ELP4: variants seen among roughly 807,000 people sequenced by gnomAD.
The protein encoded by ELP4 is elongator complex protein 4.
In ELP4, 51 loss-of-function variants were observed where a neutral mutation model predicts 48.9. The observed-to-expected ratio is 1.04, with a 90% confidence interval of 0.83 to 1.32. The LOEUF (loss-of-function observed/expected upper bound fraction) is 1.32, where lower values mean the gene tolerates loss of function less well. Among genes scored for constraint, ELP4 ranks in the 40% most tolerant of loss-of-function variants. The pLI, the probability that ELP4 is intolerant of heterozygous loss-of-function variation, is 0.00. For synonymous variants in ELP4, 210 were observed against 189.2 expected, an observed-to-expected ratio of 1.11 and a Z score of -0.90; for missense variants, 519 against 514.6, an observed-to-expected ratio of 1.01 and a Z score of -0.08.
intron 9 of ELP4, among the ~76,000 whole-genome samples, chr11:31,739,599 T>A (rs1947402541): frequency 6.6e-6 from 1 of 152,218 alleles, no homozygotes; most frequent in African/African-American, 2.4e-5. Context: ...GTAATAATGA[T>A]TAATTTACAG....
chr11:31,722,665 T>TTCTC (rs71060499), intron 9 of ELP4, among the ~76,000 whole-genome samples: 252 of 144,280 alleles, frequency 1.7e-3, no homozygotes, highest in Middle Eastern at 3.6e-3. Flanking sequence ...AAGGTGTCTC[T>TTCTC]TCTCTCTCTC....
chr11:31,743,326 T>G (rs1243639255), intron 9 of ELP4, among the ~76,000 whole-genome samples: 2 of 152,040 alleles, frequency 1.3e-5, no homozygotes, highest in African/African-American at 4.8e-5. Context: ...CTATCAACAT[T>G]AGACAGATCA....
intron 2 of ELP4, among the ~76,000 whole-genome samples, chr11:31,521,371 G>A (rs1395714328): frequency 5.3e-5 from 8 of 151,774 alleles, no homozygotes; most frequent in Admixed American, 2.0e-4. Flanking sequence ...GAGGAAATGA[G>A]GCTCACAAGG....
chr11:31,577,643 C>T (rs191948146), intron 3 of ELP4, among the ~76,000 whole-genome samples: 260 of 152,064 alleles, frequency 1.7e-3, no homozygotes, highest in African/African-American at 5.9e-3. Flanking sequence ...GTTCAACATA[C>T]GCGAATCAAT....
At chr11:31,535,847 G>T (rs1956492045) in intron 2 of ELP4, among the ~76,000 whole-genome samples, 1 of 152,092 alleles carries the variant, frequency 6.6e-6, no homozygotes, top group South Asian at 2.1e-4. Flanking sequence ...TTTGCCATAT[G>T]TGCTTTTTTT....
At chr11:31,630,640 T>C (rs1420824106) in intron 6 of ELP4, among the ~76,000 whole-genome samples, 1 of 152,090 alleles carries the variant, frequency 6.6e-6, no homozygotes, top group Admixed American at 6.6e-5. Context: ...CTCCTTTTAA[T>C]TTAAAATGAA....
intron 2 of ELP4, among the ~76,000 whole-genome samples, chr11:31,524,476 C>T (rs77130876): frequency 0.026 from 4,029 of 152,228 alleles, 165 homozygotes; most frequent in African/African-American, 0.091. Context: ...GTTTTCATAA[C>T]AGAAATGACA....
intron 5 of ELP4, among the ~76,000 whole-genome samples, chr11:31,611,586 C>T (rs984960661): frequency 9.9e-5 from 15 of 152,132 alleles, no homozygotes. Flanking sequence ...TAGGATAGTC[C>T]AATCTACTGA....
At chr11:31,565,535 T>C (rs1436218332) in intron 3 of ELP4, among the ~76,000 whole-genome samples, 2 of 147,554 alleles carry the variant, frequency 1.4e-5, no homozygotes, top group African/African-American at 5.3e-5. Flanking sequence ...TAATCCATCT[T>C]GAATTAATTT....
intron 9 of ELP4, among the ~76,000 whole-genome samples, chr11:31,780,332 A>C (rs1466215364): frequency 2.0e-5 from 3 of 152,164 alleles, no homozygotes; most frequent in Non-Finnish European, 4.4e-5. Flanking sequence ...TTCACATCGC[A>C]CTGACATGGC....
chr11:31,769,203 T>C (rs1320609840), intron 9 of ELP4, among the ~76,000 whole-genome samples: 4 of 152,076 alleles, frequency 2.6e-5, no homozygotes, highest in Non-Finnish European at 5.9e-5. Context: ...GCCAGGATGT[T>C]TTACATTGCC....
At chr11:31,602,976 A>G (rs967162692) in intron 4 of ELP4, among the ~76,000 whole-genome samples, 1 of 151,972 alleles carries the variant, frequency 6.6e-6, no homozygotes. Context: ...ATTCAAAGCA[A>G]TGTAATAATA....
chr11:31,702,053 G>A (rs992337382), intron 9 of ELP4, among the ~76,000 whole-genome samples: 1 of 152,024 alleles, frequency 6.6e-6, no homozygotes, highest in African/African-American at 2.4e-5. Flanking sequence ...ATTTCCAAAT[G>A]TGAACTTTTT....
intron 9 of ELP4, chr11:31,714,620 G>C (rs934262061): frequency 5.0e-6 from 2 of 398,382 alleles, no homozygotes; most frequent in East Asian, 7.1e-5. Flanking sequence ...ATTTTCCTAC[G>C]GTTCTGGCAG....
chr11:31,698,867 AATACAT>A (rs1249793144), intron 9 of ELP4, among the ~76,000 whole-genome samples: 2 of 152,208 alleles, frequency 1.3e-5, no homozygotes, highest in East Asian at 3.9e-4. Flanking sequence ...TTAACATCAA[AATACAT>A]ATTACCATGG....
chr11:31,732,619 G>T (rs1592262214), intron 9 of ELP4, among the ~76,000 whole-genome samples: 1 of 152,106 alleles, frequency 6.6e-6, no homozygotes, highest in African/African-American at 2.4e-5. Context: ...ACACAGAGTG[G>T]CTGAATGAGT....
intron 9 of ELP4, among the ~76,000 whole-genome samples, chr11:31,754,639 G>C (rs1452529821): frequency 1.3e-5 from 2 of 152,164 alleles, no homozygotes; most frequent in African/African-American, 4.8e-5. Flanking sequence ...GGGAGGCCGA[G>C]GTGGGTGGAT....
chr11:31,774,521 A>G (rs72900356), intron 9 of ELP4, among the ~76,000 whole-genome samples: 44,679 of 152,096 alleles, frequency 0.29, 7,282 homozygotes, highest in Non-Finnish European at 0.37. Context: ...TGCAGATTCT[A>G]TAACTCTAGC....
At chr11:31,675,627 G>A (rs1945908405) in intron 9 of ELP4, among the ~76,000 whole-genome samples, 1 of 152,038 alleles carries the variant, frequency 6.6e-6, no homozygotes, top group Admixed American at 6.6e-5. Flanking sequence ...AGGCACTGTG[G>A]GAAATGCAAA....
Sources: allele counts gnomAD v4.1 joint callset (sites outside exome capture counted in the v4.1 genomes callset), GRCh38; gene constraint gnomAD v4.1.1; transcripts MANE v1.5; gene names NCBI Gene and HGNC (gene_info 2026-07-23, HGNC 2026-07-21).